MED26: variants seen among roughly 807,000 people sequenced by gnomAD.
MED26 encodes mediator of RNA polymerase II transcription subunit 26.
Under a neutral mutation model 43.7 loss-of-function variants are expected in MED26, and 7 were observed. The observed-to-expected ratio is 0.16, with a 90% CI of 0.09 to 0.30. The LOEUF (loss-of-function observed/expected upper bound fraction) is 0.30, where lower values mean the gene tolerates loss of function less well. MED26 is among the 10% of genes least tolerant of loss of function. The pLI is 1.00. For missense variants in MED26, 784 were observed against 840.6 expected (o/e 0.93, Z 0.83); for synonymous variants, 375 against 371.1 (o/e 1.01, Z -0.12).
intron 1 of MED26, among the ~76,000 whole-genome samples, chr19:16,623,145 A>C (rs1246617956): frequency 1.3e-5 from 2 of 152,150 alleles, no homozygotes; most frequent in Non-Finnish European, 2.9e-5. Flanking sequence ...GAGAGACTGT[A>C]AAGTCCACTT....
intron 1 of MED26, chr19:16,610,809 A>G (rs1417993633): frequency 6.6e-6 from 1 of 152,246 alleles, no homozygotes; most frequent in African/African-American, 2.4e-5. Context: ...GGAAGGCTGA[A>G]AGCAGTGTGA....
intron 1 of MED26, among the ~76,000 whole-genome samples, chr19:16,585,436 G>A (rs914805336): frequency 6.6e-6 from 1 of 152,062 alleles, no homozygotes. Context: ...AAGAAGGGGT[G>A]GGGGCTAGGT....
intron 1 of MED26, among the ~76,000 whole-genome samples, chr19:16,582,195 G>A (rs2086049104): frequency 6.6e-6 from 1 of 152,246 alleles, no homozygotes; most frequent in Non-Finnish European, 1.5e-5. Context: ...AGTGATGTCA[G>A]CAGAGCTAAG....
Position 16,576,252 on chromosome 19 carries a change from C to T in MED26, c.1578G>A (p.Arg526=). The T allele has an allele frequency of 1.2e-6, 2 of 1,611,244 alleles. No homozygotes were observed. Among genetic ancestry groups the T allele is most frequent in the Middle Eastern group, 1.6e-4 (1 of 6,062 alleles). ...KQEESTRQGA[R]QLHVLVPQSP... ...TTTGAGGCACCAGCACATGCAGCTG[C>T]CTGGCCCCTTGCCGGGTGCTCTCCT... Residue 526 remains arginine (R), a synonymous_variant, in exon 3 of 3, where the codon AGG becomes AGA. Coordinates refer to ENST00000263390, the MANE Select transcript of MED26 (RefSeq NM_004831.5). The surrounding 1 kb of genome is among the most constrained non-coding windows in gnomAD (Gnocchi z 6.8).
intron 1 of MED26, among the ~76,000 whole-genome samples, chr19:16,582,879 G>A (rs2086052764): frequency 6.6e-6 from 1 of 152,214 alleles, no homozygotes; most frequent in South Asian, 2.1e-4. Flanking sequence ...GAGAGGCCAT[G>A]GGTAAGGACA....
At chr19:16,626,767 T>C (rs2086278122) in intron 1 of MED26, among the ~76,000 whole-genome samples, 1 of 152,116 alleles carries the variant, frequency 6.6e-6, no homozygotes, top group African/African-American at 2.4e-5. Flanking sequence ...CATTAAAAAG[T>C]GATCTCAATG....
intron 1 of MED26, among the ~76,000 whole-genome samples, chr19:16,614,300 GGC>G (rs778328173): frequency 1.5e-4 from 23 of 152,294 alleles, no homozygotes; most frequent in Non-Finnish European, 2.6e-4. Flanking sequence ...GGCCGAAGCA[GGC>G]AGATCGCTTG....
intron 1 of MED26, among the ~76,000 whole-genome samples, chr19:16,609,278 C>G (rs1180984494): frequency 7.3e-5 from 10 of 136,548 alleles, no homozygotes; most frequent in Non-Finnish European, 1.5e-4. Flanking sequence ...CACCACCGGA[C>G]TCCAGTCTGG....
intron 1 of MED26, among the ~76,000 whole-genome samples, chr19:16,613,698 C>A (rs184364622): frequency 1.3e-5 from 2 of 152,332 alleles, no homozygotes; most frequent in East Asian, 1.9e-4. Flanking sequence ...CCTGAATCAG[C>A]CCATCTATAA....
chr19:16,578,829 G>A (rs1317428383), intron 1 of MED26: 5 of 171,366 alleles, frequency 2.9e-5, no homozygotes, highest in South Asian at 2.7e-4. Context: ...CAGGCCAGGC[G>A]CGGTGGCTGA....
chr19:16,598,424 T>A (rs1461798407), intron 1 of MED26, among the ~76,000 whole-genome samples: 1 of 150,498 alleles, frequency 6.6e-6, no homozygotes, highest in East Asian at 2.0e-4. Flanking sequence ...AACACAAGAC[T>A]GCCCCTTGAC....
Position 16,578,033 on chromosome 19 carries a change from C to T in MED26, c.147+302G>A, listed in dbSNP as rs564813024. The T allele has an allele frequency of 2.8e-4, 141 of 499,702 alleles. 3 individuals carry two copies. The South Asian group carries it at 3.2e-3, about 11-fold the overall frequency. The allele number at this position is 499,702 out of a possible 1,614,324, so 31.0% of individuals were successfully genotyped here. A position where few individuals can be genotyped will look rare whatever the true frequency, so the allele number is the denominator to read the frequency against. ...GGCCGAGGCGACAGCACAGAGGGTC[C>T]GCTTCAAGTGGAGGGTTGGGGATGG... On this transcript the variant is annotated intron_variant, in intron 2 of 2. Coordinates refer to ENST00000263390, the MANE Select transcript of MED26 (RefSeq NM_004831.5).
rs1411123785 is a variant in MED26, at chr19:16,587,193, G to A, written c.73-8784C>T. Reference sequence around the variant, plus strand: ...ACAGGGCTTTGCTGGGAGAGTGTGTGTCTGTGATTTGGTTCCCGCCACACC... The same window carrying A: ...ACAGGGCTTTGCTGGGAGAGTGTGTATCTGTGATTTGGTTCCCGCCACACC... On this transcript the variant is annotated intron_variant, in intron 1 of 2. Coordinates refer to ENST00000263390, the MANE Select transcript of MED26 (RefSeq NM_004831.5). This position sits in a 1 kb window ranked among gnomAD's most constrained non-coding sequence, Gnocchi z 4.9. 1 of 151,734 alleles carries A rather than the reference G, an allele frequency of 6.6e-6. No individual in the cohort carries two copies. Among genetic ancestry groups the A allele is most frequent in the Non-Finnish European group, 1.5e-5 (1 of 67,986 alleles). The allele number at this position is 151,734 out of a possible 1,614,324, so 9.4% of individuals were successfully genotyped here.
intron 1 of MED26, among the ~76,000 whole-genome samples, chr19:16,627,445 A>G (rs1857872314): frequency 6.6e-6 from 1 of 152,198 alleles, no homozygotes; most frequent in African/African-American, 2.4e-5. Flanking sequence ...TGGGAGACAT[A>G]GGTTCCCCGA....
chr19:16,590,609 C>T (rs1042778154), intron 1 of MED26, among the ~76,000 whole-genome samples: 3 of 152,202 alleles, frequency 2.0e-5, no homozygotes, highest in African/African-American at 7.2e-5. Context: ...ATCTGCCTCC[C>T]TTGCTTTAAT....
At chr19:16,621,152 C>T (rs899663815) in intron 1 of MED26, among the ~76,000 whole-genome samples, 5 of 152,214 alleles carry the variant, frequency 3.3e-5, no homozygotes, top group Admixed American at 6.5e-5. Flanking sequence ...GGAAGACTGT[C>T]GTAGTTAAGC....
chr19:16,588,828 T>C (rs1387577408), intron 1 of MED26: 1 of 152,280 alleles, frequency 6.6e-6, no homozygotes, highest in Admixed American at 6.5e-5. Flanking sequence ...CCTGTCCAAT[T>C]GGGCTGCTGT....
intron 1 of MED26, among the ~76,000 whole-genome samples, chr19:16,596,306 T>C (rs145003860): frequency 7.8e-4 from 119 of 152,354 alleles, no homozygotes; most frequent in African/African-American, 2.4e-3. Flanking sequence ...GCGTCAGAGC[T>C]GTTATCCTGC....
chr19:16,621,368 C>T (rs961207434), intron 1 of MED26, among the ~76,000 whole-genome samples: 12 of 152,232 alleles, frequency 7.9e-5, no homozygotes, highest in Non-Finnish European at 1.8e-4. Context: ...AGCGGCTGTT[C>T]GTCTTGCAGC....
Sources: allele counts gnomAD v4.1 joint callset (sites outside exome capture counted in the v4.1 genomes callset), GRCh38; gene constraint gnomAD v4.1.1; non-coding constraint Gnocchi (gnomAD v3.1); transcripts MANE v1.5; gene names NCBI Gene and HGNC (gene_info 2026-07-23, HGNC 2026-07-21).